Variants in DENND1C observed in about 807,000 individuals in gnomAD.
DENND1C encodes DENN domain containing 1C.
A neutral mutation model predicts 87.9 loss-of-function variants in DENND1C; 64 were observed. That is an observed-to-expected ratio of 0.73 (90% CI 0.60 to 0.90). The LOEUF (loss-of-function observed/expected upper bound fraction) is 0.90, where lower values mean the gene tolerates loss of function less well. DENND1C is among the 40% of genes least tolerant of loss of function. The pLI is 0.00. For synonymous variants in DENND1C, 384 were observed against 424.4 expected (o/e 0.90, Z 1.17); for missense variants, 980 against 1,037.0 (o/e 0.95, Z 0.76).
Position 6,468,360 on chromosome 19 carries a change from TTCTCCAGACCCCAAGAAGCTGC to T in DENND1C, c.1643_1664del (p.Ser548LysfsTer6). On this transcript the variant is annotated frameshift_variant, in exon 22 of 23. Transcript: ENST00000381480. LOFTEE classifies it high-confidence loss of function. ...GAATCTCGCTCAACAAATCCAGTTCTTCTCCAGACCCCAAGAAGCTGCTGTCCAGAGCTTCTTCTGCCCACGG... is the reference window on the plus strand; with the variant it reads ...GAATCTCGCTCAACAAATCCAGTTCTTGTCCAGAGCTTCTTCTGCCCACGG... 1 of 1,613,918 alleles carries T rather than the reference TTCTCCAGACCCCAAGAAGCTGC, an allele frequency of 6.2e-7. No individual in the cohort carries two copies. Among genetic ancestry groups the T allele is most frequent in the Non-Finnish European group, 8.5e-7 (1 of 1,179,872 alleles).
rs767293034 is a variant in DENND1C at position 6,477,413 on chromosome 19, G to C, written c.412C>G (p.Leu138Val). The C allele has an allele frequency of 6.2e-7, 1 of 1,613,460 alleles. No individual in the cohort carries two copies. The highest frequency in any genetic ancestry group is 2.2e-5 in the East Asian group (1 of 44,828). The change falls in exon 7 of 23, where the codon CTG becomes GTG. Residue 138 changes from leucine to valine, a missense_variant. Transcript: ENST00000381480. ...CCCACTGAGGCCTGGGGCCCAGACA[G>C]GGACTGCTGAAACAGATTTTGAAGA... ...ELLQNLFQQSLSGPQASVGLE... is the reference protein window; with the variant it reads ...ELLQNLFQQSVSGPQASVGLE...
chr19:6,479,612 T>C (rs2092886465), intron 4 of DENND1C, 57 bp downstream of exon 4: 1 of 1,611,678 alleles, frequency 6.2e-7, no homozygotes. Context: ...GTTGAGTCCT[T>C]GGGGCCCCTG....
At chr19:6,476,171 G>A in intron 10 of DENND1C, 1 of 523,058 alleles carries the variant, frequency 1.9e-6, no homozygotes, top group Non-Finnish European at 3.3e-6. Context: ...TCTCTGTAAG[G>A]GGCGCAGTTA....
At position 6,479,172 on chromosome 19, in the gene DENND1C, C is replaced by A. The variant is rs936091363; in HGVS notation, c.177-116G>T. 3.5e-6 allele frequency: 5 copies of A among 1,421,626 alleles called. No individual in the cohort carries two copies. The African/African-American group carries it at 7.2e-5, about 20-fold the overall frequency. 88.1% of individuals were successfully genotyped at this position (1,421,626 alleles called of 1,614,324 possible). ...GTATGGGTCTCTAGTTGTCAGGATC[C>A]CTGAATGTCTGGATCCCTGGGTCTC... On this transcript the variant is annotated intron_variant, in intron 4 of 22. Transcript: ENST00000381480.
rs751299679 is a variant in DENND1C at position 6,475,380 on chromosome 19, C to T, written c.947G>A (p.Arg316Gln). The T allele has an allele frequency of 3.7e-6, 6 of 1,611,496 alleles. No individual in the cohort carries two copies. The Admixed American group carries it at 5.0e-5, about 13-fold the overall frequency. ...GGGGGCCAGGGCGACCTTCCTGAGC[C>T]GGAGCCTCAGCAGGGACACCTGAAG... ...PPDVVSLLRLRLRKVALAPGE... is the reference protein window; with the variant it reads ...PPDVVSLLRLQLRKVALAPGE... The change falls in exon 14 of 23, where the codon CGG becomes CAG. Residue 316 changes from arginine to glutamine, a missense_variant. Coordinates refer to ENST00000381480, the MANE Select transcript of DENND1C (RefSeq NM_024898.4).
intron 1 of DENND1C, chr19:6,480,437 A>G: frequency 9.2e-7 from 1 of 1,088,984 alleles, no homozygotes; most frequent in Non-Finnish European, 1.1e-6. Flanking sequence ...TGCAGTCCCA[A>G]GCTAAGTGAA....
At chr19:6,472,383 T>G (rs1242291199) in intron 15 of DENND1C, among the ~76,000 whole-genome samples, 3 of 151,888 alleles carry the variant, frequency 2.0e-5, no homozygotes, top group African/African-American at 7.3e-5. Flanking sequence ...GGGGCTCCCA[T>G]GTTTTTGTTT....
In DENND1C at chr19:6,479,665, G is replaced by A. The variant is rs368901102; in HGVS notation, c.176+4C>T. 1.8e-4 allele frequency: 284 copies of A among 1,613,638 alleles called. No individual in the cohort carries two copies. The highest frequency in any genetic ancestry group is 1.3e-3 in the Middle Eastern group (8 of 6,080). Reference sequence around the variant, plus strand: ...AGTCCTTGGATCTCCCCGCCCTTCCGTACCTTTCCACATCAAAAGGGAAGC... The same window carrying A: ...AGTCCTTGGATCTCCCCGCCCTTCCATACCTTTCCACATCAAAAGGGAAGC... On this transcript the variant is annotated splice_donor_region_variant and intron_variant, in intron 4 of 22. Coordinates refer to ENST00000381480, the MANE Select transcript of DENND1C (RefSeq NM_024898.4).
rs1171421486 is a variant in DENND1C, at chr19:6,475,304, C to T, written c.1023G>A (p.Gly341=). The change falls in exon 14 of 23, where the codon GGG becomes GGA. Residue 341 remains glycine (G), a synonymous_variant. Transcript: ENST00000381480. ...TGCAGACGAGTGCGTCGCGGTACCCCCCGAAGAGCAGGGCCTGGGCTTTGA... is the reference window on the plus strand; with the variant it reads ...TGCAGACGAGTGCGTCGCGGTACCCTCCGAAGAGCAGGGCCTGGGCTTTGA... The part of the protein sequence containing the change: ...LFLKAQALLF[G]GYRDALVCSP... 3 of 1,613,310 alleles carry T rather than the reference C, an allele frequency of 1.9e-6. No homozygotes were observed. In the Admixed American group the frequency reaches 5.0e-5, roughly 27 times the overall value.
At chr19:6,470,500 C>A in intron 17 of DENND1C, 134 bp from the exon 18 acceptor site, 1 of 813,900 alleles carries the variant, frequency 1.2e-6, no homozygotes, top group Non-Finnish European at 2.0e-6. Context: ...TGAACATGAT[C>A]GTAGTCATGA....
chr19:6,469,176 C>T (rs953971728), intron 19 of DENND1C, among the ~76,000 whole-genome samples: 3 of 152,102 alleles, frequency 2.0e-5, no homozygotes, highest in Non-Finnish European at 2.9e-5. Context: ...GGATTACAGG[C>T]GTGCGCCACC....
Position 6,467,885 on chromosome 19 carries a change from G to A in DENND1C, c.2025C>T (p.Leu675=), listed in dbSNP as rs1442312747. The A allele has an allele frequency of 6.2e-7, 1 of 1,611,232 alleles. No homozygotes were observed. Among genetic ancestry groups the A allele is most frequent in the Non-Finnish European group, 8.5e-7 (1 of 1,178,678 alleles). Residue 675 remains leucine (L), a synonymous_variant, in exon 23 of 23, where the codon CTC becomes CTT. Coordinates refer to ENST00000381480, the MANE Select transcript of DENND1C (RefSeq NM_024898.4). The part of the protein sequence containing the change: ...SIWGDPKPSP[L]TEPLILHLTP... The stretch of plus-strand genomic sequence containing the variant: ...TGAGATGAAGAATTAGGGGCTCTGT[G>A]AGAGGAGAGGGTTTGGGGTCCCCCC...
Position 6,477,333 on chromosome 19 carries a change from C to G in DENND1C, c.447+45G>C, listed in dbSNP as rs908827250. 7 of 1,608,912 alleles carry G rather than the reference C, an allele frequency of 4.4e-6. No individual in the cohort carries two copies. The African/African-American group carries it at 6.7e-5, about 15-fold the overall frequency. ...GTCATGATGGCTGGGACGCAGCCTT[C>G]CCATCCACCTAAGGTCCAGCGCCCA... On this transcript the variant is annotated intron_variant, in intron 7 of 22. Coordinates refer to ENST00000381480, the MANE Select transcript of DENND1C (RefSeq NM_024898.4).
In DENND1C at chr19:6,471,306, CT is replaced by C; in HGVS notation, c.1250-2del. On this transcript the variant is annotated splice_acceptor_variant, in intron 16 of 22. Coordinates refer to ENST00000381480, the MANE Select transcript of DENND1C (RefSeq NM_024898.4). LOFTEE classifies it high-confidence loss of function. Reference sequence around the variant, plus strand: ...CAGAGCTGATAGGATCGAAGGGCCCCTGGGGTAAGGAGAGAGTGTGGTGGTC... The same window carrying C: ...CAGAGCTGATAGGATCGAAGGGCCCCGGGGTAAGGAGAGAGTGTGGTGGTC... 1 of 1,598,390 alleles carries C rather than the reference CT, an allele frequency of 6.3e-7. No homozygotes were observed. The highest frequency in any genetic ancestry group is 8.5e-7 in the Non-Finnish European group (1 of 1,172,466).
chr19:6,476,884 G>T lies in DENND1C; in HGVS notation c.651C>A (p.Val217=). 3.1e-6 allele frequency: 5 copies of T among 1,612,926 alleles called. No individual in the cohort carries two copies. The highest frequency in any genetic ancestry group is 4.2e-6 in the Non-Finnish European group (5 of 1,179,750). The change falls in exon 10 of 23, where the codon GTC becomes GTA. Residue 217 remains valine, a synonymous_variant. Transcript: ENST00000381480. ...TGCTGAGTTTGCTGGCGGTGAGCAG[G>T]ACTCTTCTCTCGGCCAGGAGCGCCG... ...LFAALLAERR[V]LLTASKLSTL...
chr19:6,478,968 C>T lies in DENND1C; in HGVS notation c.265G>A (p.Ala89Thr), dbSNP rs1267593965. 5.0e-6 allele frequency: 8 copies of T among 1,613,934 alleles called. No homozygotes were observed. The highest frequency in any genetic ancestry group is 6.8e-6 in the Non-Finnish European group (8 of 1,179,852). ...ATGCAGAGACAGCTCTGGGTACCCG[C>T]CCGCAGGCGGCAGAAACCAAATCTG... ...NRRFGFCRLR[A>T]GTQSCLCILS... The change falls in exon 5 of 23, where the codon GCG becomes ACG. Residue 89 changes from alanine (A) to threonine (T), a missense_variant. Ala to Thr is a moderately conservative substitution (Grantham distance 58). Transcript: ENST00000381480.
intron 1 of DENND1C, chr19:6,480,309 G>A: frequency 7.2e-7 from 1 of 1,397,568 alleles, no homozygotes; most frequent in Non-Finnish European, 9.3e-7. Context: ...GTGTGGCTGA[G>A]TGCATGGCTT....
chr19:6,475,317 G>T lies in DENND1C; in HGVS notation c.1010C>A (p.Ala337Asp). 1 of 1,613,396 alleles carries T rather than the reference G, an allele frequency of 6.2e-7. No homozygotes were observed. Among genetic ancestry groups the T allele is most frequent in the Non-Finnish European group, 8.5e-7 (1 of 1,179,812 alleles). Residue 337 changes from alanine to aspartate, a missense_variant, in exon 14 of 23, where the codon GCC becomes GAC. By Grantham distance (126) the Ala-to-Asp change is moderately radical. Transcript: ENST00000381480. ...GVSRLFLKAQ[A>D]LLFGGYRDAL... ...GTCGCGGTACCCCCCGAAGAGCAGG[G>T]CCTGGGCTTTGAGGAAGAGACGGGA...
In DENND1C at chr19:6,471,318, G is replaced by A. The variant is rs769732407; in HGVS notation, c.1250-13C>T. ...GATCGAAGGGCCCCTGGGGTAAGGA[G>A]AGAGTGTGGTGGTCACCGAAGGCTG... On this transcript the variant is annotated splice_polypyrimidine_tract_variant and intron_variant, in intron 16 of 22. Transcript: ENST00000381480. The A allele has an allele frequency of 1.9e-6, 3 of 1,597,444 alleles. No individual in the cohort carries two copies. Among genetic ancestry groups the A allele is most frequent in the Non-Finnish European group, 1.7e-6 (2 of 1,172,016 alleles).
Sources: allele counts gnomAD v4.1 joint callset (sites outside exome capture counted in the v4.1 genomes callset), GRCh38; gene constraint gnomAD v4.1.1; transcripts MANE v1.5; gene names NCBI Gene and HGNC (gene_info 2026-07-23, HGNC 2026-07-21).